Variants in PGAP1 observed in about 807,000 individuals in gnomAD.
PGAP1 encodes the protein GPI inositol-deacylase.
A neutral mutation model predicts 127.0 loss-of-function variants in PGAP1; 76 were observed. The observed-to-expected ratio is 0.60, with a 90% CI of 0.50 to 0.72. PGAP1 has a LOEUF of 0.72. Among genes scored for constraint, PGAP1 ranks in the 30% least tolerant of loss-of-function variants. PGAP1 has a pLI of 0.00. For missense variants in PGAP1, 982 were observed against 1,071.3 expected, an observed-to-expected ratio of 0.92 and a Z score of 1.16; for synonymous variants, 362 against 366.5, an observed-to-expected ratio of 0.99 and a Z score of 0.14.
At chr2:196,876,118 A>G (rs939016377) in intron 13 of PGAP1, among the ~76,000 whole-genome samples, 1 of 152,152 alleles carries the variant, frequency 6.6e-6, no homozygotes, top group African/African-American at 2.4e-5. Flanking sequence ...TTTGCATAAG[A>G]AGGACAGTAA....
chr2:196,878,404 T>C (rs943887494), intron 13 of PGAP1, among the ~76,000 whole-genome samples: 1 of 152,112 alleles, frequency 6.6e-6, no homozygotes, highest in Non-Finnish European at 1.5e-5. Context: ...AGGTCAGGGG[T>C]TGAATTTTCC....
At chr2:196,878,108 T>C (rs572463599) in intron 13 of PGAP1, among the ~76,000 whole-genome samples, 1 of 152,196 alleles carries the variant, frequency 6.6e-6, no homozygotes, top group Non-Finnish European at 1.5e-5. Context: ...ACCCACTAAT[T>C]CTATCAAAAT....
intron 1 of PGAP1, among the ~76,000 whole-genome samples, chr2:196,920,390 C>G (rs925238326): frequency 6.6e-6 from 1 of 152,036 alleles, no homozygotes; most frequent in African/African-American, 2.4e-5. Context: ...AAGAGGACTA[C>G]GTGAACTTCT....
intron 2 of PGAP1, among the ~76,000 whole-genome samples, chr2:196,919,562 T>C (rs1007841042): frequency 2.6e-5 from 4 of 152,160 alleles, no homozygotes; most frequent in Non-Finnish European, 4.4e-5. Flanking sequence ...CCCCCAGTAC[T>C]TCCAAATCTC....
intron 12 of PGAP1, among the ~76,000 whole-genome samples, chr2:196,882,149 A>G (rs911292654): frequency 3.9e-5 from 6 of 152,160 alleles, no homozygotes; most frequent in Non-Finnish European, 7.4e-5. Flanking sequence ...GTCAAAGGTC[A>G]GAGAGTTGTA....
intron 20 of PGAP1, among the ~76,000 whole-genome samples, chr2:196,862,937 C>G (rs1375918014): frequency 6.6e-6 from 1 of 152,064 alleles, no homozygotes; most frequent in East Asian, 1.9e-4. Flanking sequence ...AAAAGACATA[C>G]CAATGGCCAA....
intron 11 of PGAP1, 34 bp from the exon 12 acceptor site, chr2:196,885,509 C>G (rs766369759): frequency 4.3e-6 from 6 of 1,395,592 alleles, no homozygotes; most frequent in Non-Finnish European, 6.0e-6. Context: ...AATTAAAGGA[C>G]AAATATATGG....
At chr2:196,891,549 C>T (rs1186135375) in intron 9 of PGAP1, among the ~76,000 whole-genome samples, 1 of 151,814 alleles carries the variant, frequency 6.6e-6, no homozygotes, top group Non-Finnish European at 1.5e-5. Context: ...AGGAATAAAC[C>T]CACTAATGGT....
At chr2:196,841,875 A>C (rs1470488188) in intron 26 of PGAP1, among the ~76,000 whole-genome samples, 1 of 152,196 alleles carries the variant, frequency 6.6e-6, no homozygotes, top group East Asian at 1.9e-4. Context: ...GAAAAGAAAA[A>C]TATTTCTATT....
intron 12 of PGAP1, 68 bp from the exon 13 acceptor site, chr2:196,880,221 T>C: frequency 1.0e-6 from 1 of 960,252 alleles, no homozygotes; most frequent in Non-Finnish European, 1.5e-6. Flanking sequence ...GAAAAATAAA[T>C]AACACTTATT....
At chr2:196,854,874 C>T (rs1268243940) in intron 20 of PGAP1, among the ~76,000 whole-genome samples, 1 of 152,106 alleles carries the variant, frequency 6.6e-6, no homozygotes, top group Non-Finnish European at 1.5e-5. Context: ...AACACCTGGG[C>T]TCAAGTGATC....
At chr2:196,890,058 C>G (rs1336015053) in intron 10 of PGAP1, among the ~76,000 whole-genome samples, 4 of 151,990 alleles carry the variant, frequency 2.6e-5, no homozygotes, top group African/African-American at 9.6e-5. Context: ...CCCAGCCCCC[C>G]AAGTAGCAGA....
In PGAP1 at chr2:196,865,024, A is replaced by T; in HGVS notation, c.1824T>A (p.Leu608=). The T allele has an allele frequency of 6.4e-7, 1 of 1,568,216 alleles. No homozygotes were observed. The stretch of plus-strand genomic sequence containing the variant: ...GAGAATATAACTGTCCTCTATAAGC[A>T]AGAAGGATATTAGATACGACATAAG... The part of the protein sequence containing the change: ...LPAYVVSNIL[L]AYRGQLYSLF... The change falls in exon 20 of 27, where the codon CTT becomes CTA. Residue 608 remains leucine, a synonymous_variant. Coordinates refer to ENST00000354764, the MANE Select transcript of PGAP1 (RefSeq NM_024989.4).
chr2:196,867,600 T>C (rs895362993), intron 19 of PGAP1, among the ~76,000 whole-genome samples: 2 of 152,210 alleles, frequency 1.3e-5, no homozygotes, highest in Non-Finnish European at 2.9e-5. Flanking sequence ...GTTCTGCACA[T>C]GTACCCCAGA....
chr2:196,913,120 C>T, intron 3 of PGAP1, 67 bp from the exon 4 acceptor site: 1 of 1,449,368 alleles, frequency 6.9e-7, no homozygotes, highest in Non-Finnish European at 9.4e-7. Flanking sequence ...AAATATTTCT[C>T]TCTGCATATG....
At position 196,847,148 on chromosome 2, in the gene PGAP1, C is replaced by T. The variant is rs201052846; in HGVS notation, c.2005G>A (p.Ala669Thr). The change falls in exon 22 of 27, where the codon GCC (alanine) becomes ACC (threonine). Residue 669 changes from alanine (A) to threonine (T), a missense_variant. Coordinates refer to ENST00000354764, the MANE Select transcript of PGAP1 (RefSeq NM_024989.4). ...WDVLLLPELDAVILTCQSMCF... is the reference protein window; with the variant it reads ...WDVLLLPELDTVILTCQSMCF... ...ATACTCTGACAAGTTAAAATGACGG[C>T]ATCTAATTCTGGTAACAATAATACA... 1 of 1,613,002 alleles carries T rather than the reference C, an allele frequency of 6.2e-7. No homozygotes were observed. The highest frequency in any genetic ancestry group is 1.3e-5 in the African/African-American group (1 of 74,966).
chr2:196,920,279 C>G, intron 1 of PGAP1, 129 bp from the exon 2 acceptor site: 1 of 724,228 alleles, frequency 1.4e-6, no homozygotes, highest in Non-Finnish European at 2.2e-6. Context: ...ATTAAAACCA[C>G]ACTTCATACA....
At chr2:196,889,076 GTTAA>G (rs1406856969) in intron 10 of PGAP1, among the ~76,000 whole-genome samples, 1 of 151,990 alleles carries the variant, frequency 6.6e-6, no homozygotes, top group African/African-American at 2.4e-5. Context: ...ATGAGTTTAT[GTTAA>G]TTAATACCCA....
intron 2 of PGAP1, 119 bp from the exon 3 acceptor site, chr2:196,916,712 C>G: frequency 9.8e-7 from 1 of 1,019,702 alleles, no homozygotes; most frequent in South Asian, 2.5e-5. Context: ...CCACCTATTT[C>G]AGGATGAAAT....
Sources: gnomAD v4.1 joint callset for allele counts (sites outside exome capture counted in the v4.1 genomes callset) on GRCh38, gnomAD v4.1.1 for gene constraint, MANE v1.5 for transcripts, NCBI Gene and HGNC (gene_info 2026-07-23, HGNC 2026-07-21) for gene names.